The following GRIA1 variants were observed in gnomAD, a reference collection of about 807,000 sequenced individuals.
The protein encoded by GRIA1 is glutamate ionotropic receptor AMPA type subunit 1, also known as glutamate receptor 1.
Under a neutral mutation model 99.2 loss-of-function variants are expected in GRIA1, and 31 were observed. That is an observed-to-expected ratio of 0.31 (90% CI 0.23 to 0.42). The LOEUF (loss-of-function observed/expected upper bound fraction) is 0.42, where lower values mean the gene tolerates loss of function less well. GRIA1 is among the 10% of genes least tolerant of loss of function. The pLI is 1.00. For synonymous variants in GRIA1, 438 were observed against 432.4 expected, an observed-to-expected ratio of 1.01 and a Z score of -0.16; for missense variants, 782 against 1,157.5, an observed-to-expected ratio of 0.68 and a Z score of 4.71.
At chr5:153,723,011 A>G (rs1239062150) in intron 11 of GRIA1, among the ~76,000 whole-genome samples, 1 of 152,234 alleles carries the variant, frequency 6.6e-6, no homozygotes, top group Non-Finnish European at 1.5e-5. Context: ...TTAGCATCCA[A>G]ACTTGGAGCA....
At chr5:153,661,724 A>G (rs2149471809) in intron 5 of GRIA1, among the ~76,000 whole-genome samples, 1 of 152,352 alleles carries the variant, frequency 6.6e-6, no homozygotes, top group East Asian at 1.9e-4. Flanking sequence ...CTGCACCTAC[A>G]TATCAAATGT....
chr5:153,499,613 C>CA (rs70976100), intron 2 of GRIA1, among the ~76,000 whole-genome samples: 4,303 of 42,064 alleles, frequency 0.1, 996 homozygotes, highest in East Asian at 0.14. Context: ...GAATTTGTCT[C>CA]AAAAAAAAAA....
chr5:153,672,365 G>T (rs1221585548), intron 5 of GRIA1, among the ~76,000 whole-genome samples: 1 of 152,214 alleles, frequency 6.6e-6, no homozygotes, highest in Non-Finnish European at 1.5e-5. Flanking sequence ...AGAAAGGGGA[G>T]TGGAAGCGAA....
At chr5:153,776,779 C>T (rs1011409832) in intron 13 of GRIA1, among the ~76,000 whole-genome samples, 3 of 152,152 alleles carry the variant, frequency 2.0e-5, no homozygotes, top group Admixed American at 6.5e-5. Flanking sequence ...AGAGGTATCA[C>T]CAAGGTTTTG....
chr5:153,558,194 C>T (rs150780539), intron 2 of GRIA1: 135 of 152,212 alleles, frequency 8.9e-4, no homozygotes, highest in African/African-American at 3.1e-3. Context: ...GTCATATAAG[C>T]AGGTCATTGT....
At chr5:153,577,089 A>AGTGG (rs1554099344) in intron 2 of GRIA1, among the ~76,000 whole-genome samples, 2 of 78,960 alleles carry the variant, frequency 2.5e-5, no homozygotes, top group African/African-American at 9.9e-5. Context: ...TGAGTGGATG[A>AGTGG]ATGGATGGAT....
At chr5:153,536,575 C>G (rs1010715070) in intron 2 of GRIA1, among the ~76,000 whole-genome samples, 3 of 152,146 alleles carry the variant, frequency 2.0e-5, no homozygotes, top group Admixed American at 6.5e-5. Context: ...ATAAGAGACA[C>G]CCCAGCAAAG....
chr5:153,759,165 A>C (rs1405139236), intron 11 of GRIA1, among the ~76,000 whole-genome samples: 1 of 95,512 alleles, frequency 1.0e-5, no homozygotes, highest in East Asian at 2.0e-4. Context: ...TTCAAAGACC[A>C]AAAAAAAAAA....
At chr5:153,625,901 G>A (rs1767554712) in intron 2 of GRIA1, among the ~76,000 whole-genome samples, 1 of 152,162 alleles carries the variant, frequency 6.6e-6, no homozygotes, top group Admixed American at 6.5e-5. Context: ...ACTGGCTAAG[G>A]AATAGGCTTA....
chr5:153,531,985 T>C (rs1307052739), intron 2 of GRIA1, among the ~76,000 whole-genome samples: 1 of 152,142 alleles, frequency 6.6e-6, no homozygotes, highest in East Asian at 1.9e-4. Flanking sequence ...TTGAAAACCC[T>C]CTCTAGGGAA....
At chr5:153,623,536 A>G (rs1767275368) in intron 2 of GRIA1, among the ~76,000 whole-genome samples, 1 of 152,228 alleles carries the variant, frequency 6.6e-6, no homozygotes, top group African/African-American at 2.4e-5. Flanking sequence ...TTTAACAGTG[A>G]AAAACAAACA....
intron 11 of GRIA1, among the ~76,000 whole-genome samples, chr5:153,747,562 C>T (rs1368905451): frequency 6.6e-6 from 1 of 152,192 alleles, no homozygotes; most frequent in Non-Finnish European, 1.5e-5. Context: ...AGAGTTGGTT[C>T]TCAGAGAACA....
At chr5:153,748,752 G>A (rs1031471715) in intron 11 of GRIA1, among the ~76,000 whole-genome samples, 1 of 152,120 alleles carries the variant, frequency 6.6e-6, no homozygotes, top group Non-Finnish European at 1.5e-5. Context: ...TCAAATAGCA[G>A]GGTGGACAGT....
intron 13 of GRIA1, among the ~76,000 whole-genome samples, chr5:153,792,778 A>G (rs1271851303): frequency 2.0e-5 from 3 of 152,050 alleles, no homozygotes; most frequent in Non-Finnish European, 4.4e-5. Context: ...GAGAAGAAGA[A>G]ACAGAGAGAG....
At chr5:153,553,712 G>A (rs1760362448) in intron 2 of GRIA1, among the ~76,000 whole-genome samples, 1 of 152,174 alleles carries the variant, frequency 6.6e-6, no homozygotes, top group African/African-American at 2.4e-5. Flanking sequence ...GCCTCTTAGT[G>A]TGCATGCTTG....
chr5:153,639,884 T>C (rs1486527897), intron 2 of GRIA1, among the ~76,000 whole-genome samples: 1 of 152,212 alleles, frequency 6.6e-6, no homozygotes. Flanking sequence ...AAAGTTCTAT[T>C]ACAGGTACTT....
intron 2 of GRIA1, among the ~76,000 whole-genome samples, chr5:153,622,958 T>C (rs1767204122): frequency 6.6e-6 from 1 of 152,172 alleles, no homozygotes. Context: ...AAGAAATGTA[T>C]AAATTTAGAC....
chr5:153,529,055 AT>A (rs1369963313), intron 2 of GRIA1, among the ~76,000 whole-genome samples: 2 of 152,348 alleles, frequency 1.3e-5, no homozygotes, highest in East Asian at 3.9e-4. Context: ...AACAGAAACA[AT>A]TATAGCAGGT....
At chr5:153,806,823 T>A (rs1487916904) in intron 15 of GRIA1, among the ~76,000 whole-genome samples, 1 of 152,184 alleles carries the variant, frequency 6.6e-6, no homozygotes, top group Non-Finnish European at 1.5e-5. Context: ...GTTCTTACAA[T>A]CCTACAGATG....
Sources: gnomAD v4.1 joint callset for allele counts (sites outside exome capture counted in the v4.1 genomes callset) on GRCh38, gnomAD v4.1.1 for gene constraint, MANE v1.5 for transcripts, NCBI Gene and HGNC (gene_info 2026-07-23, HGNC 2026-07-21) for gene names.